RAP1GAP2: variants seen among roughly 807,000 people sequenced by gnomAD.
RAP1GAP2 encodes RAP1 GTPase activating protein 2.
A neutral mutation model predicts 95.0 loss-of-function variants in RAP1GAP2; 27 were observed. The ratio of observed to expected loss-of-function variants is 0.28; its 90% CI spans 0.21 to 0.39. The LOEUF is 0.39. Among genes scored for constraint, RAP1GAP2 ranks in the 10% least tolerant of loss-of-function variants. The probability of loss-of-function intolerance (pLI) is 1.00; values close to 1 mark genes in which losing one functional copy is unlikely to be tolerated. For synonymous variants in RAP1GAP2, 373 were observed against 380.9 expected (o/e 0.98, Z 0.24); for missense variants, 771 against 970.0 (o/e 0.79, Z 2.72).
rs1347319302 is a variant in RAP1GAP2 at position 2,804,958 on chromosome 17, T to G, written c.80+4408T>G. Among the ~76,000 whole-genome samples the G allele has an allele frequency of 4.6e-5, 7 of 152,150 alleles. No homozygotes were observed. In the East Asian group the frequency reaches 1.3e-3, roughly 29 times the overall value. ...GTTTGCATTCATGCCTTGAATCCTT[T>G]CGTATTTTTCTCAGGACCTTGGTGA... On this transcript the variant is annotated intron_variant, in intron 2 of 24. Transcript: ENST00000254695.
intron 2 of RAP1GAP2, among the ~76,000 whole-genome samples, chr17:2,828,605 A>G (rs1597386968): frequency 6.6e-6 from 1 of 152,110 alleles, no homozygotes; most frequent in Non-Finnish European, 1.5e-5. Context: ...CCCGTCCGCC[A>G]GCAGGTGGCA....
intron 2 of RAP1GAP2, among the ~76,000 whole-genome samples, chr17:2,819,689 A>G (rs2070196439): frequency 6.6e-6 from 1 of 150,700 alleles, no homozygotes; most frequent in South Asian, 2.1e-4. Flanking sequence ...GCTGGTCTTG[A>G]ACTCCTGACC....
In RAP1GAP2 at chr17:2,871,892, A is replaced by G. The variant is rs926911214; in HGVS notation, c.81-33392A>G. Among the ~76,000 whole-genome samples the G allele has an allele frequency of 6.6e-6, 1 of 152,182 alleles. No homozygotes were observed. Among genetic ancestry groups the G allele is most frequent in the Non-Finnish European group, 1.5e-5 (1 of 68,036 alleles). ...CTATTCATAGTGAACTGGCTGCCTA[A>G]ATTATTTCACATTCATACCATGGAC... On this transcript the variant is annotated intron_variant, in intron 2 of 24. Coordinates refer to ENST00000254695, the MANE Select transcript of RAP1GAP2 (RefSeq NM_015085.5). This position sits in a 1 kb window ranked among gnomAD's most constrained non-coding sequence, Gnocchi z 5.0.
chr17:2,762,524 A>T (rs552352659), intron 1 of RAP1GAP2, among the ~76,000 whole-genome samples: 1 of 148,570 alleles, frequency 6.7e-6, no homozygotes, highest in Non-Finnish European at 1.5e-5. Context: ...CAGCCTCCTG[A>T]ATAGCTGGGA....
At chr17:2,821,611 C>T (rs1348344459) in intron 2 of RAP1GAP2, among the ~76,000 whole-genome samples, 2 of 151,544 alleles carry the variant, frequency 1.3e-5, no homozygotes, top group Non-Finnish European at 2.9e-5. Flanking sequence ...TGGTCTCAAG[C>T]AATCCATCCG....
chr17:2,806,746 C>G (rs2069538693), intron 2 of RAP1GAP2, among the ~76,000 whole-genome samples: 2 of 150,360 alleles, frequency 1.3e-5, no homozygotes, highest in Admixed American at 1.3e-4. Context: ...CAGAGTCTCA[C>G]TCTCTCTCAG....
chr17:2,768,250 C>T (rs921855770), intron 1 of RAP1GAP2, among the ~76,000 whole-genome samples: 4 of 152,148 alleles, frequency 2.6e-5, no homozygotes, highest in African/African-American at 7.2e-5. Flanking sequence ...TCCTTCAGAG[C>T]GGTTGTACCA....
intron 8 of RAP1GAP2, among the ~76,000 whole-genome samples, chr17:2,978,523 G>A (rs1411915671): frequency 2.0e-5 from 3 of 152,174 alleles, no homozygotes; most frequent in Non-Finnish European, 4.4e-5. Context: ...GCACAAAATT[G>A]AAAACTTATG....
intron 8 of RAP1GAP2, among the ~76,000 whole-genome samples, chr17:2,969,114 T>G (rs1486037610): frequency 6.6e-6 from 1 of 151,996 alleles, no homozygotes; most frequent in African/African-American, 2.4e-5. Flanking sequence ...ATACTAGGGT[T>G]AGAAATGACA....
At chr17:2,880,495 A>C (rs1164002400) in intron 2 of RAP1GAP2, among the ~76,000 whole-genome samples, 1 of 149,932 alleles carries the variant, frequency 6.7e-6, no homozygotes, top group Non-Finnish European at 1.5e-5. Context: ...CATCACACAC[A>C]GTGTCTCACT....
At chr17:2,840,007 A>G (rs1325391605) in intron 2 of RAP1GAP2, among the ~76,000 whole-genome samples, 6 of 151,894 alleles carry the variant, frequency 4.0e-5, no homozygotes, top group Non-Finnish European at 8.8e-5. Flanking sequence ...CATGTTGGTC[A>G]GGCTGGTCTC....
intron 3 of RAP1GAP2, among the ~76,000 whole-genome samples, chr17:2,926,125 CAAAAAAAAAAA>C (rs990593437): frequency 1.5e-4 from 9 of 59,650 alleles, no homozygotes; most frequent in African/African-American, 4.2e-4. Flanking sequence ...GCCTCTGTCT[CAAAAAAAAAAA>C]AAAAAAAAGG....
chr17:2,800,190 C>A, intron 1 of RAP1GAP2: 1 of 985,406 alleles, frequency 1.0e-6, no homozygotes, highest in Non-Finnish European at 1.2e-6. Context: ...AGGCTGCATA[C>A]AAAGTGCTTA....
upstream of RAP1GAP2, among the ~76,000 whole-genome samples, chr17:2,792,431 A>G (rs2068949092): frequency 6.6e-6 from 1 of 152,144 alleles, no homozygotes; most frequent in Non-Finnish European, 1.5e-5. Context: ...GCCTGGAGAG[A>G]TTAGGTAACT....
intron 2 of RAP1GAP2, among the ~76,000 whole-genome samples, chr17:2,805,754 ATGTGTGTG>A (rs71377539): frequency 1.3e-5 from 2 of 150,194 alleles, no homozygotes; most frequent in Admixed American, 6.7e-5. Context: ...AGATGCGTGT[ATGTGTGTG>A]TGTGTGTGTC....
chr17:2,960,161 C>G (rs1044417529), intron 4 of RAP1GAP2, among the ~76,000 whole-genome samples: 1 of 150,538 alleles, frequency 6.6e-6, no homozygotes, highest in Non-Finnish European at 1.5e-5. Context: ...AAGACAATAC[C>G]TCTAGCAAAA....
Position 3,017,106 on chromosome 17 carries a change from C to G in RAP1GAP2, c.1495-955C>G, listed in dbSNP as rs540419983. Among the ~76,000 whole-genome samples, 11 of 152,294 alleles carry G rather than the reference C, an allele frequency of 7.2e-5. No individual in the cohort carries two copies. In the East Asian group the frequency reaches 1.2e-3, roughly 16 times the overall value. On this transcript the variant is annotated intron_variant, in intron 17 of 24. Transcript: ENST00000254695. ...ACTTCTTTTGTCAGGAAATCCCCCC[C>G]TGAGGTGGAGCCGAGCTCTGCTTCA...
chr17:2,969,496 C>CTT (rs34468461), intron 8 of RAP1GAP2, among the ~76,000 whole-genome samples: 1,913 of 83,744 alleles, frequency 0.023, 127 homozygotes, highest in Middle Eastern at 0.039. Flanking sequence ...TATATATATT[C>CTT]TTTTTTTTTT....
intron 2 of RAP1GAP2, among the ~76,000 whole-genome samples, chr17:2,841,691 T>C (rs2071379954): frequency 6.6e-6 from 1 of 152,028 alleles, no homozygotes; most frequent in Non-Finnish European, 1.5e-5. Context: ...ATGTTGAGAG[T>C]ATGGTCTGGG....
Sources: gnomAD v4.1 joint callset for allele counts (sites outside exome capture counted in the v4.1 genomes callset) on GRCh38, gnomAD v4.1.1 for gene constraint, Gnocchi (gnomAD v3.1) non-coding constraint, MANE v1.5 for transcripts, NCBI Gene and HGNC (gene_info 2026-07-23, HGNC 2026-07-21) for gene names.